Variants in PRRC2B observed in about 807,000 individuals in gnomAD.
The protein encoded by PRRC2B is proline rich coiled-coil 2B.
Under a neutral mutation model 242.3 loss-of-function variants are expected in PRRC2B, and 68 were observed. The ratio of observed to expected loss-of-function variants is 0.28; its 90% confidence interval spans 0.23 to 0.34. PRRC2B has a LOEUF of 0.34. Ranked by LOEUF, PRRC2B falls within the 10% of genes least tolerant of loss-of-function variation. The pLI, the probability that PRRC2B is intolerant of heterozygous loss-of-function variation, is 1.00. For synonymous variants in PRRC2B, 1,228 were observed against 1,173.6 expected (o/e 1.05, Z -0.95); for missense variants, 2,835 against 2,954.8 (o/e 0.96, Z 0.94).
chr9:131,435,613 T>A (rs1838331721), intron 3 of PRRC2B, among the ~76,000 whole-genome samples: 1 of 147,090 alleles, frequency 6.8e-6, no homozygotes, highest in African/African-American at 2.6e-5. Flanking sequence ...AGACTCCATC[T>A]AAAAAAAAAA....
chr9:131,443,409 T>C (rs1838677913), intron 5 of PRRC2B, among the ~76,000 whole-genome samples: 1 of 151,798 alleles, frequency 6.6e-6, no homozygotes, highest in Non-Finnish European at 1.5e-5. Context: ...GTGCTGGGAT[T>C]ACAGGCGTGA....
rs539562190 is a variant in PRRC2B at position 131,491,411 on chromosome 9, T to C, written c.6226-14T>C. 13 of 1,581,264 alleles carry C rather than the reference T, an allele frequency of 8.2e-6. No individual in the cohort carries two copies. The highest frequency in any genetic ancestry group is 4.7e-5 in the South Asian group (4 of 85,376). ...GCATCATTCCCCCTCCTGACTGTCA[T>C]TGTCGCCCAGCAGCTGACCATGCCA... is the stretch of plus-strand genomic sequence containing the variant. On this transcript the variant is annotated splice_polypyrimidine_tract_variant and intron_variant, in intron 28 of 31. Transcript: ENST00000683519.
chr9:131,419,399 G>A (rs570321116), intron 1 of PRRC2B, among the ~76,000 whole-genome samples: 76 of 152,316 alleles, frequency 5.0e-4, no homozygotes, highest in Non-Finnish European at 6.5e-4. Context: ...ACACACCAAC[G>A]TGGGGACGGG....
chr9:131,396,370 G>T (rs1253051175), intron 1 of PRRC2B, among the ~76,000 whole-genome samples: 1 of 139,392 alleles, frequency 7.2e-6, no homozygotes, highest in Non-Finnish European at 1.5e-5. Context: ...CTGTCGCCCA[G>T]GCTGGAGTGC....
At chr9:131,459,968 T>TC (rs1943194985) in intron 11 of PRRC2B, among the ~76,000 whole-genome samples, 1 of 22,032 alleles carries the variant, frequency 4.5e-5, no homozygotes, top group African/African-American at 1.5e-4. Flanking sequence ...AAACCCTATC[T>TC]CCAAAAAAAA....
chr9:131,493,126 C>T (rs10122157), intron 30 of PRRC2B, among the ~76,000 whole-genome samples: 129,618 of 151,956 alleles, frequency 0.85, 56,452 homozygotes, highest in South Asian at 0.97. Flanking sequence ...TCCAGCTGCA[C>T]CCCCTCTGCC....
At chr9:131,383,101 C>T (rs1306793464) in intron 1 of PRRC2B, among the ~76,000 whole-genome samples, 2 of 152,192 alleles carry the variant, frequency 1.3e-5, no homozygotes, top group African/African-American at 4.8e-5. Flanking sequence ...CCTCCACAGT[C>T]TCCGCTGATT....
At chr9:131,472,271 A>T (rs1943567513) in intron 14 of PRRC2B, among the ~76,000 whole-genome samples, 1 of 152,014 alleles carries the variant, frequency 6.6e-6, no homozygotes, top group South Asian at 2.1e-4. Context: ...TTTAATTGCA[A>T]AAGTTGGTCC....
At chr9:131,374,529 T>A (rs1836659685) in intron 1 of PRRC2B, among the ~76,000 whole-genome samples, 1 of 152,140 alleles carries the variant, frequency 6.6e-6, no homozygotes, top group Non-Finnish European at 1.5e-5. Context: ...CTCTTTTTTT[T>A]TTTATTTTTA....
At chr9:131,459,819 A>C (rs781179130) in intron 11 of PRRC2B, among the ~76,000 whole-genome samples, 2 of 151,948 alleles carry the variant, frequency 1.3e-5, no homozygotes, top group African/African-American at 4.8e-5. Context: ...GATTATAGGC[A>C]TGAGGCACTG....
chr9:131,486,072 G>T lies in PRRC2B; in HGVS notation c.5759-13G>T, dbSNP rs201728410. 2.5e-6 allele frequency: 4 copies of T among 1,584,122 alleles called. No homozygotes were observed. The highest frequency in any genetic ancestry group is 1.1e-5 in the South Asian group (1 of 89,174). On this transcript the variant is annotated splice_polypyrimidine_tract_variant and intron_variant, in intron 25 of 31. Coordinates refer to ENST00000683519, the MANE Select transcript of PRRC2B (RefSeq NM_013318.4). Reference sequence around the variant, plus strand: ...GATCCTCTTCTACGTCCCTTTTGCCGCTCTGTTTCCAGGCAGCCACCTCCC... The same window carrying T: ...GATCCTCTTCTACGTCCCTTTTGCCTCTCTGTTTCCAGGCAGCCACCTCCC...
Position 131,494,490 on chromosome 9 carries a change from G to A in PRRC2B, c.6555+4G>A. On this transcript the variant is annotated splice_donor_region_variant and intron_variant, in intron 31 of 31. Coordinates refer to ENST00000683519, the MANE Select transcript of PRRC2B (RefSeq NM_013318.4). This position sits in a 1 kb window ranked among gnomAD's most constrained non-coding sequence, Gnocchi z 4.3. ...GCAGGGACACTACGTGCAACAGGTA[G>A]AAGATGGCTTTCCAGACCCTTCAGC... 3 of 1,557,460 alleles carry A rather than the reference G, an allele frequency of 1.9e-6. No individual in the cohort carries two copies. The highest frequency in any genetic ancestry group is 2.6e-6 in the Non-Finnish European group (3 of 1,133,964).
rs535764031 is a variant in PRRC2B at position 131,499,994 on chromosome 9, G to A, written c.*4120G>A. ...ACGATGGCTAGAGGTGTAATGTGCA[G>A]CTTGTTTATACGGTATTTTGGGAAA... On this transcript the variant is annotated 3_prime_UTR_variant, in exon 32 of 32. Coordinates refer to ENST00000683519, the MANE Select transcript of PRRC2B (RefSeq NM_013318.4). The A allele has an allele frequency of 1.2e-4, 18 of 152,298 alleles. No individual in the cohort carries two copies. Among genetic ancestry groups the A allele is most frequent in the Admixed American group, 1.2e-3 (18 of 15,294 alleles). The allele number at this position is 152,298 out of a possible 1,614,324, so 9.4% of individuals were successfully genotyped here.
At chr9:131,377,606 C>G (rs1189858961) in intron 1 of PRRC2B, among the ~76,000 whole-genome samples, 1 of 152,136 alleles carries the variant, frequency 6.6e-6, no homozygotes, top group Admixed American at 6.6e-5. Context: ...CACCCCCACC[C>G]CAGCCCTGGG....
chr9:131,470,497 G>A (rs79685887), intron 13 of PRRC2B, among the ~76,000 whole-genome samples: 1 of 152,188 alleles, frequency 6.6e-6, no homozygotes, highest in South Asian at 2.1e-4. Flanking sequence ...GGTTCCAGGA[G>A]TGTCTGATCT....
At chr9:131,413,807 G>A (rs1169425064) in intron 1 of PRRC2B, among the ~76,000 whole-genome samples, 1 of 152,148 alleles carries the variant, frequency 6.6e-6, no homozygotes, top group Non-Finnish European at 1.5e-5. Flanking sequence ...GAGTACCTGG[G>A]ACTATAGGCG....
chr9:131,427,240 C>CTCAG (rs1232217141), intron 1 of PRRC2B, among the ~76,000 whole-genome samples: 2 of 152,196 alleles, frequency 1.3e-5, no homozygotes, highest in Non-Finnish European at 2.9e-5. Context: ...ACGGCACCAG[C>CTCAG]TCAGTCAGCG....
intron 11 of PRRC2B, among the ~76,000 whole-genome samples, chr9:131,459,835 GTCT>G (rs1479773197): frequency 6.6e-6 from 1 of 151,858 alleles, no homozygotes; most frequent in Non-Finnish European, 1.5e-5. Context: ...CACTGTATTT[GTCT>G]TCTTGTTATA....
At chr9:131,385,638 AT>A (rs1423397174) in intron 1 of PRRC2B, among the ~76,000 whole-genome samples, 1 of 150,762 alleles carries the variant, frequency 6.6e-6, no homozygotes, top group African/African-American at 2.4e-5. Flanking sequence ...GCAAGTGTTA[AT>A]TAAGTTATCT....
Sources: allele counts gnomAD v4.1 joint callset (sites outside exome capture counted in the v4.1 genomes callset), GRCh38; gene constraint gnomAD v4.1.1; non-coding constraint Gnocchi (gnomAD v3.1); transcripts MANE v1.5; gene names NCBI Gene and HGNC (gene_info 2026-07-23, HGNC 2026-07-21).